FA2H: variants seen among roughly 807,000 people sequenced by gnomAD.
FA2H encodes fatty acid 2-hydroxylase.
A neutral mutation model predicts 44.9 loss-of-function variants in FA2H; 22 were observed. The observed-to-expected ratio is 0.49, with a 90% confidence interval of 0.35 to 0.70. FA2H has a LOEUF of 0.70. Among genes scored for constraint, FA2H ranks in the 30% least tolerant of loss-of-function variants. The pLI is 0.01. For missense variants in FA2H, 501 were observed against 504.9 expected (o/e 0.99, Z 0.07); for synonymous variants, 243 against 213.2 (o/e 1.14, Z -1.22).
intron 2 of FA2H, among the ~76,000 whole-genome samples, chr16:74,734,932 G>A (rs533697002): frequency 1.3e-5 from 2 of 152,388 alleles, no homozygotes; most frequent in East Asian, 1.9e-4. Context: ...GCAGCTTTCT[G>A]AGCAGAGGTG....
intron 1 of FA2H, among the ~76,000 whole-genome samples, chr16:74,771,722 C>T (rs565185848): frequency 8.5e-5 from 13 of 152,188 alleles, no homozygotes; most frequent in Non-Finnish European, 1.5e-5. Flanking sequence ...TAAACTGGGC[C>T]CTCACCACAC....
At chr16:74,756,234 G>C (rs1962610018) in intron 1 of FA2H, among the ~76,000 whole-genome samples, 1 of 152,164 alleles carries the variant, frequency 6.6e-6, no homozygotes, top group Non-Finnish European at 1.5e-5. Flanking sequence ...CACAAAGCAG[G>C]AAGAATAAGC....
intron 5 of FA2H, chr16:74,716,855 G>A: frequency 3.9e-6 from 2 of 513,670 alleles, no homozygotes; most frequent in South Asian, 5.1e-5. Context: ...GGATGGGCAG[G>A]ATGGGCAGGA....
At chr16:74,742,891 G>T (rs1463068326) in intron 1 of FA2H, among the ~76,000 whole-genome samples, 1 of 152,048 alleles carries the variant, frequency 6.6e-6, no homozygotes, top group Non-Finnish European at 1.5e-5. Flanking sequence ...TAAACAAGAG[G>T]AAATTTCAAT....
intron 1 of FA2H, among the ~76,000 whole-genome samples, chr16:74,748,622 G>A (rs1235491030): frequency 6.6e-6 from 1 of 152,150 alleles, no homozygotes; most frequent in African/African-American, 2.4e-5. Context: ...TTCCTCCAGG[G>A]TCCCAGACCC....
In FA2H at chr16:74,740,006, C is replaced by A. The variant is rs191938124; in HGVS notation, c.363+17G>T. ...CCAGCCCCCAGTCATCACCCCACTC[C>A]ATCCTATGCCAGGTACCTTGTCCCA... On this transcript the variant is annotated intron_variant, in intron 2 of 6. Transcript: ENST00000219368. The A allele has an allele frequency of 1.1e-4, 183 of 1,591,410 alleles. No individual in the cohort carries two copies. The African/African-American group carries it at 2.2e-3, about 19-fold the overall frequency.
rs114622606 is a variant in FA2H, at chr16:74,724,233, A to G, written c.613+1992T>C. Among the ~76,000 whole-genome samples, 1,326 of 152,204 alleles carry G rather than the reference A, an allele frequency of 8.7e-3. 23 individuals carry two copies. Among genetic ancestry groups the G allele is most frequent in the African/African-American group, 0.03 (1,262 of 41,548 alleles). Reference sequence around the variant, plus strand: ...CTCTTGTTGGTAAGGAAAGGACTGGACGTACGGGAGCACTCTCCGGCGCAG... The same window carrying G: ...CTCTTGTTGGTAAGGAAAGGACTGGGCGTACGGGAGCACTCTCCGGCGCAG... On this transcript the variant is annotated intron_variant, in intron 4 of 6. Transcript: ENST00000219368.
intron 1 of FA2H, among the ~76,000 whole-genome samples, chr16:74,745,887 C>T (rs908303133): frequency 2.6e-5 from 4 of 151,352 alleles, no homozygotes; most frequent in Non-Finnish European, 5.9e-5. Context: ...CTCACTGCAG[C>T]CTCTGTGTCC....
intron 1 of FA2H, among the ~76,000 whole-genome samples, chr16:74,763,277 A>G (rs1210926844): frequency 6.6e-6 from 1 of 151,692 alleles, no homozygotes; most frequent in Non-Finnish European, 1.5e-5. Flanking sequence ...GTTTTTTTTG[A>G]GACAGAGTCT....
chr16:74,745,541 G>A (rs570913995), intron 1 of FA2H, among the ~76,000 whole-genome samples: 29 of 152,348 alleles, frequency 1.9e-4, no homozygotes, highest in Middle Eastern at 3.4e-3. Flanking sequence ...CTCTGCCAAG[G>A]AGACGGGGTC....
intron 1 of FA2H, among the ~76,000 whole-genome samples, chr16:74,755,033 G>GC (rs890742350): frequency 1.3e-5 from 2 of 152,184 alleles, no homozygotes; most frequent in African/African-American, 4.8e-5. Context: ...AAGGACAGCA[G>GC]CCCCCCTAGA....
intron 4 of FA2H, among the ~76,000 whole-genome samples, chr16:74,722,857 G>A (rs1961869773): frequency 6.8e-6 from 1 of 147,268 alleles, no homozygotes; most frequent in South Asian, 2.1e-4. Context: ...GTTGTGGTGA[G>A]CCAAGATCGT....
chr16:74,734,745 T>C (rs746579837), intron 2 of FA2H, among the ~76,000 whole-genome samples: 6 of 152,144 alleles, frequency 3.9e-5, no homozygotes, highest in Non-Finnish European at 5.9e-5. Flanking sequence ...GACGCTTTCC[T>C]GGGGAAGGGT....
intron 2 of FA2H, among the ~76,000 whole-genome samples, chr16:74,735,008 C>T (rs922845648): frequency 7.2e-5 from 11 of 152,218 alleles, no homozygotes; most frequent in East Asian, 1.9e-4. Flanking sequence ...GCAACCTGGT[C>T]GCTGGTCAGC....
At chr16:74,727,471 C>T (rs1201000652) in intron 2 of FA2H, 85 bp from the exon 3 acceptor site, 3 of 1,424,866 alleles carry the variant, frequency 2.1e-6, no homozygotes. Flanking sequence ...GCATCCCAAT[C>T]CCCTGCTCCT....
In FA2H at chr16:74,774,700, C is replaced by T; in HGVS notation, c.56G>A (p.Arg19His). ...GACCCAGCACGCGCCGGCCGCCAGGCGCCGCTGGACCTCGGAGGGCGAGAA... is the reference window on the plus strand; with the variant it reads ...GACCCAGCACGCGCCGGCCGCCAGGTGCCGCTGGACCTCGGAGGGCGAGAA... ...ASFSPSEVQR[R>H]LAAGACWVRR... The change falls in exon 1 of 7, where the codon CGC (arginine) becomes CAC (histidine). Residue 19 changes from arginine (R) to histidine (H), a missense_variant. Coordinates refer to ENST00000219368, the MANE Select transcript of FA2H (RefSeq NM_024306.5). 1 of 1,368,002 alleles carries T rather than the reference C, an allele frequency of 7.3e-7. No homozygotes were observed. Among genetic ancestry groups the T allele is most frequent in the Non-Finnish European group, 9.4e-7 (1 of 1,067,910 alleles). The allele number at this position is 1,368,002 out of a possible 1,614,324, so 84.7% of individuals were successfully genotyped here.
intron 5 of FA2H, among the ~76,000 whole-genome samples, chr16:74,717,702 T>C (rs1961738112): frequency 6.6e-6 from 1 of 152,180 alleles, no homozygotes; most frequent in Non-Finnish European, 1.5e-5. Context: ...CCATACAGTC[T>C]CCTCGGGTCC....
At chr16:74,770,829 C>T (rs1284454363) in intron 1 of FA2H, among the ~76,000 whole-genome samples, 2 of 152,242 alleles carry the variant, frequency 1.3e-5, no homozygotes, top group Admixed American at 6.5e-5. Context: ...GTTCCACATG[C>T]TCAGGTTGGG....
intron 1 of FA2H, among the ~76,000 whole-genome samples, chr16:74,769,954 C>T (rs894567744): frequency 1.3e-5 from 2 of 152,186 alleles, no homozygotes; most frequent in Non-Finnish European, 2.9e-5. Context: ...AATGTGCCTT[C>T]GTGTGAGTGT....
Sources: allele counts gnomAD v4.1 joint callset (sites outside exome capture counted in the v4.1 genomes callset), GRCh38; gene constraint gnomAD v4.1.1; transcripts MANE v1.5; gene names NCBI Gene and HGNC (gene_info 2026-07-23, HGNC 2026-07-21).